Variants in HNRNPF observed in about 807,000 individuals in gnomAD.
The protein encoded by HNRNPF is HnRNP F protein.
A neutral mutation model predicts 26.0 loss-of-function variants in HNRNPF; 2 were observed. The observed-to-expected ratio is 0.08, with a 90% confidence interval of 0.03 to 0.24. HNRNPF has a LOEUF of 0.24. HNRNPF is among the 10% of genes least tolerant of loss of function. The pLI is 1.00. For synonymous variants in HNRNPF, 234 were observed against 211.5 expected (o/e 1.11, Z -0.92); for missense variants, 299 against 539.2 (o/e 0.55, Z 4.41).
At chr10:43,400,645 A>C (rs974154329) in intron 1 of HNRNPF, among the ~76,000 whole-genome samples, 1 of 152,242 alleles carries the variant, frequency 6.6e-6, no homozygotes, top group Non-Finnish European at 1.5e-5. Context: ...TGAACTCAAG[A>C]ATTATGATAC....
chr10:43,388,060 C>A, intron 3 of HNRNPF, 124 bp from the exon 4 acceptor site: 1 of 575,776 alleles, frequency 1.7e-6, no homozygotes, highest in Non-Finnish European at 3.0e-6. Context: ...AGAGTTAACT[C>A]CAGGTCTCTC....
chr10:43,396,887 CGGGAGGGGGAG>C (rs1838551720), intron 1 of HNRNPF: 1 of 36,010 alleles, frequency 2.8e-5, no homozygotes. Flanking sequence ...GGGCGCCTCG[CGGGAGGGGGAG>C]GGGAGGGGAG....
chr10:43,396,675 C>G (rs1440488038), intron 1 of HNRNPF, 85 bp from the exon 2 acceptor site: 1 of 152,188 alleles, frequency 6.6e-6, no homozygotes, highest in African/African-American at 2.4e-5. Flanking sequence ...TGGCGGGAAG[C>G]AGCGCCGAGG....
chr10:43,406,930 T>C lies in HNRNPF; in HGVS notation c.-247+2201A>G, dbSNP rs902855768. ...ATTCATTAAAGTAGTAATGTCTTAT[T>C]TTATAGTTTATAAATTCTGTGAGAG... On this transcript the variant is annotated intron_variant, in intron 1 of 3. Transcript: ENST00000682386. Among the ~76,000 whole-genome samples, 7 of 152,278 alleles carry C rather than the reference T, an allele frequency of 4.6e-5. No homozygotes were observed. The South Asian group carries it at 8.3e-4, about 18-fold the overall frequency.
At chr10:43,404,411 T>C (rs1469625991) in intron 1 of HNRNPF, among the ~76,000 whole-genome samples, 1 of 151,982 alleles carries the variant, frequency 6.6e-6, no homozygotes, top group Non-Finnish European at 1.5e-5. Flanking sequence ...ATATCACTAA[T>C]TTGAAAACCA....
chr10:43,397,544 G>GAC (rs1212505164), intron 1 of HNRNPF, among the ~76,000 whole-genome samples: 4 of 152,210 alleles, frequency 2.6e-5, no homozygotes, highest in African/African-American at 9.6e-5. Flanking sequence ...CAGCAAGTTA[G>GAC]ACACAGCCCC....
chr10:43,390,045 G>A (rs1478083786), intron 3 of HNRNPF, among the ~76,000 whole-genome samples: 3 of 152,142 alleles, frequency 2.0e-5, no homozygotes, highest in Admixed American at 6.5e-5. Flanking sequence ...AATGGTCTCC[G>A]CCTCCCCAGG....
intron 1 of HNRNPF, among the ~76,000 whole-genome samples, chr10:43,403,209 G>T (rs1181981602): frequency 1.3e-5 from 2 of 152,006 alleles, no homozygotes; most frequent in Admixed American, 1.3e-4. Context: ...GTAGAGATGG[G>T]GTTTCGCCAC....
rs1838522601 is a variant in HNRNPF, at chr10:43,396,472, A to ACTGGTTTCTGTTGCTACCAGGC, written c.-150_-129dup. 6.6e-6 allele frequency: 1 copy of ACTGGTTTCTGTTGCTACCAGGC among 152,266 alleles called. No homozygotes were observed. The highest frequency in any genetic ancestry group is 2.4e-5 in the African/African-American group (1 of 41,454). 9.4% of individuals were successfully genotyped at this position (152,266 alleles called of 1,614,324 possible). A position where few individuals can be genotyped will look rare whatever the true frequency, so the allele number is the denominator to read the frequency against. The stretch of plus-strand genomic sequence containing the variant: ...TAGACTTACCACGGAGGCGAGCAGG[A>ACTGGTTTCTGTTGCTACCAGGC]CTGGTTTCTGTTGCTACCAGGCAAG... On this transcript the variant is annotated 5_prime_UTR_variant, in exon 2 of 4. Transcript: ENST00000682386.
chr10:43,400,114 G>A (rs1320151064), intron 1 of HNRNPF, among the ~76,000 whole-genome samples: 1 of 152,180 alleles, frequency 6.6e-6, no homozygotes, highest in African/African-American at 2.4e-5. Context: ...GGGAGGCCGA[G>A]GTGGGAGGAT....
intron 1 of HNRNPF, among the ~76,000 whole-genome samples, chr10:43,404,834 TAAAACC>T (rs1296581322): frequency 6.6e-6 from 1 of 151,926 alleles, no homozygotes; most frequent in African/African-American, 2.4e-5. Context: ...AAAACAAAAA[TAAAACC>T]AAAACCAAAA....
chr10:43,406,612 T>A (rs1244819272), intron 1 of HNRNPF, among the ~76,000 whole-genome samples: 1 of 152,180 alleles, frequency 6.6e-6, no homozygotes, highest in East Asian at 1.9e-4. Context: ...GAGGATCCGT[T>A]GAGCACAGGA....
At chr10:43,399,332 C>T (rs920917165) in intron 1 of HNRNPF, among the ~76,000 whole-genome samples, 2 of 152,108 alleles carry the variant, frequency 1.3e-5, no homozygotes, top group South Asian at 2.1e-4. Flanking sequence ...AACTGATCCA[C>T]CTTGGCCTCC....
intron 1 of HNRNPF, among the ~76,000 whole-genome samples, chr10:43,402,125 TAAAAAA>T (rs879636534): frequency 6.9e-6 from 1 of 145,842 alleles, no homozygotes; most frequent in African/African-American, 2.5e-5. Flanking sequence ...TTACAAAACT[TAAAAAA>T]AAAAACTTTC....
rs569969038 is a variant in HNRNPF, at chr10:43,389,373, C to T, written c.-52-1437G>A. On this transcript the variant is annotated intron_variant, in intron 3 of 3. Coordinates refer to ENST00000682386, the MANE Select transcript of HNRNPF (RefSeq NM_001098204.2). ...GCTCATCATGTGGGGAAAAAAGCTCCATAAGAAAACCCCACAATTTAAAAA... is the reference window on the plus strand; with the variant it reads ...GCTCATCATGTGGGGAAAAAAGCTCTATAAGAAAACCCCACAATTTAAAAA... 2.6e-5 allele frequency among the ~76,000 whole-genome samples: 4 copies of T among 152,180 alleles called. No homozygotes were observed. The South Asian group carries it at 6.2e-4, about 24-fold the overall frequency.
intron 1 of HNRNPF, among the ~76,000 whole-genome samples, chr10:43,403,117 C>T (rs1170720426): frequency 1.3e-5 from 2 of 152,168 alleles, no homozygotes; most frequent in Non-Finnish European, 2.9e-5. Context: ...CAACCTCCAC[C>T]TCCTGAGTTC....
At chr10:43,398,262 G>T (rs1397482246) in intron 1 of HNRNPF, among the ~76,000 whole-genome samples, 1 of 151,848 alleles carries the variant, frequency 6.6e-6, no homozygotes, top group East Asian at 1.9e-4. Context: ...TTGACCTCGT[G>T]ATCCCCCTGC....
At chr10:43,406,248 C>G (rs558171388) in intron 1 of HNRNPF, among the ~76,000 whole-genome samples, 5 of 152,286 alleles carry the variant, frequency 3.3e-5, no homozygotes, top group Admixed American at 6.5e-5. Flanking sequence ...GCATCTACCC[C>G]CACCGGGCTC....
intron 1 of HNRNPF, among the ~76,000 whole-genome samples, chr10:43,407,250 T>A (rs1785243281): frequency 6.6e-6 from 1 of 151,338 alleles, no homozygotes; most frequent in Non-Finnish European, 1.5e-5. Context: ...CCCGTTGCCC[T>A]TCGCGCGCAG....
Sources: gnomAD v4.1 joint callset for allele counts (sites outside exome capture counted in the v4.1 genomes callset) on GRCh38, gnomAD v4.1.1 for gene constraint, MANE v1.5 for transcripts, NCBI Gene and HGNC (gene_info 2026-07-23, HGNC 2026-07-21) for gene names.